The following TMC7 variants were observed in gnomAD, a reference collection of about 807,000 sequenced individuals.
TMC7 encodes the protein transmembrane channel-like protein 7.
TMC7 carries 54 observed loss-of-function variants against 82.9 expected under a neutral mutation model. That is an observed-to-expected ratio of 0.65 (90% CI 0.52 to 0.82). TMC7 has a LOEUF of 0.82. TMC7 is among the 40% of genes least tolerant of loss of function. The pLI is 0.00. For synonymous variants in TMC7, 350 were observed against 337.9 expected, an observed-to-expected ratio of 1.04 and a Z score of -0.39; for missense variants, 820 against 901.2, an observed-to-expected ratio of 0.91 and a Z score of 1.15.
chr16:19,055,940 C>T (rs577554414), intron 13 of TMC7, among the ~76,000 whole-genome samples: 2 of 152,076 alleles, frequency 1.3e-5, no homozygotes, highest in Non-Finnish European at 2.9e-5. Flanking sequence ...ATTAAGAGAC[C>T]GGAGAATAGA....
At chr16:19,048,267 C>A (rs185032899) in intron 12 of TMC7, among the ~76,000 whole-genome samples, 106 of 151,908 alleles carry the variant, frequency 7.0e-4, no homozygotes, top group African/African-American at 2.5e-3. Context: ...TGAGCCACCC[C>A]GCCTGGACCA....
At chr16:18,995,228 G>A (rs1473658578) in intron 1 of TMC7, among the ~76,000 whole-genome samples, 1 of 152,158 alleles carries the variant, frequency 6.6e-6, no homozygotes, top group Non-Finnish European at 1.5e-5. Flanking sequence ...TACCTACAAC[G>A]GTTATGGAGG....
Position 19,016,478 on chromosome 16 carries a change from C to A in TMC7, c.340C>A (p.Leu114Ile). ...RDIQETQMKY[L>I]SEWDQWKRYS... ...CATTCAAGAGACACAAATGAAGTAT[C>A]TCTCCGAATGGGACCAGTGGAAGCG... Residue 114 changes from leucine to isoleucine, a missense_variant, in exon 3 of 16, where the codon CTC becomes ATC. Around this residue, in one of 2 missense-constraint regions of TMC7, gnomAD observed 650 missense variants for 669.9 expected, o/e 0.97. Coordinates refer to ENST00000304381, the MANE Select transcript of TMC7 (RefSeq NM_024847.4). The A allele has an allele frequency of 6.2e-7, 1 of 1,614,146 alleles. No homozygotes were observed. The highest frequency in any genetic ancestry group is 8.5e-7 in the Non-Finnish European group (1 of 1,180,028).
chr16:19,000,323 C>T lies in TMC7; in HGVS notation c.68-8849C>T, dbSNP rs150799825. ...TCTACCAAAAATACAAAAAATTAGC[C>T]GGGCGTGGTGGTACACGCCTGTAAT... On this transcript the variant is annotated intron_variant, in intron 1 of 15. Coordinates refer to ENST00000304381, the MANE Select transcript of TMC7 (RefSeq NM_024847.4). 4.5e-4 allele frequency among the ~76,000 whole-genome samples: 68 copies of T among 151,918 alleles called. No individual in the cohort carries two copies. In the East Asian group the frequency reaches 0.012, roughly 27 times the overall value.
At chr16:19,005,034 A>G (rs931943554) in intron 1 of TMC7, among the ~76,000 whole-genome samples, 1 of 151,478 alleles carries the variant, frequency 6.6e-6, no homozygotes, top group Non-Finnish European at 1.5e-5. Flanking sequence ...ATTAAGTGTG[A>G]CGATGCATGT....
chr16:19,023,722 T>C (rs1181310418), intron 5 of TMC7, among the ~76,000 whole-genome samples: 1 of 152,220 alleles, frequency 6.6e-6, no homozygotes, highest in Non-Finnish European at 1.5e-5. Context: ...ACTGGGGTTA[T>C]AGGCGTGAGC....
At chr16:19,054,329 A>G (rs1266731770) in intron 13 of TMC7, among the ~76,000 whole-genome samples, 3 of 152,254 alleles carry the variant, frequency 2.0e-5, no homozygotes, top group African/African-American at 7.2e-5. Context: ...ACATTTTACT[A>G]TGCAGTCTCC....
chr16:19,059,121 G>T (rs902466663), intron 14 of TMC7, among the ~76,000 whole-genome samples: 1 of 151,970 alleles, frequency 6.6e-6, no homozygotes. Context: ...CAGGTGATCC[G>T]CCTGCCTCGG....
intron 1 of TMC7, chr16:18,984,454 G>C: frequency 8.7e-7 from 1 of 1,155,618 alleles, no homozygotes; most frequent in African/African-American, 1.6e-5. Flanking sequence ...GAAAGGATTT[G>C]AGCACCCCCT....
At chr16:19,034,938 GAA>G (rs1022069414) in intron 6 of TMC7, among the ~76,000 whole-genome samples, 3 of 152,132 alleles carry the variant, frequency 2.0e-5, no homozygotes, top group Non-Finnish European at 4.4e-5. Flanking sequence ...GATTTTAAAA[GAA>G]AATGAATCGT....
At chr16:19,007,697 TAAAG>T (rs1359934440) in intron 1 of TMC7, among the ~76,000 whole-genome samples, 2 of 150,226 alleles carry the variant, frequency 1.3e-5, no homozygotes, top group Non-Finnish European at 3.0e-5. Flanking sequence ...ATAAATAAAA[TAAAG>T]AGAGACAATA....
chr16:19,040,147 A>G, intron 8 of TMC7, 142 bp from the exon 9 acceptor site: 1 of 440,134 alleles, frequency 2.3e-6, no homozygotes. Flanking sequence ...AAGGAACGAG[A>G]TGACTTATGC....
At chr16:19,047,950 C>T (rs1291934704) in intron 12 of TMC7, among the ~76,000 whole-genome samples, 4 of 152,018 alleles carry the variant, frequency 2.6e-5, no homozygotes, top group Non-Finnish European at 4.4e-5. Context: ...CCACCCGCCT[C>T]GGCCTCCCAA....
At position 19,020,853 on chromosome 16, in the gene TMC7, A is replaced by AAAATAAATAAAT. The variant is rs144614183; in HGVS notation, c.461-748_461-737dup. Among the ~76,000 whole-genome samples the AAAATAAATAAAT allele has an allele frequency of 6.5e-3, 933 of 142,552 alleles. 6 individuals carry two copies. The highest frequency in any genetic ancestry group is 0.011 in the South Asian group (50 of 4,456). 93.5% of individuals were successfully genotyped at this position (142,552 alleles called of 152,430 possible). A position where few individuals can be genotyped will look rare whatever the true frequency, so the allele number is the denominator to read the frequency against. Reference sequence around the variant, plus strand: ...GGCAACAGAGTGAGACATGGTGTCAAAAATAAATAAATAAATAAATAAATA... The same window carrying AAAATAAATAAAT: ...GGCAACAGAGTGAGACATGGTGTCAAAAATAAATAAATAAATAAATAAATAAATAAATAAATA... On this transcript the variant is annotated intron_variant, in intron 3 of 15. Transcript: ENST00000304381.
chr16:18,998,660 A>G (rs949856229), intron 1 of TMC7, among the ~76,000 whole-genome samples: 1 of 151,972 alleles, frequency 6.6e-6, no homozygotes, highest in African/African-American at 2.4e-5. Flanking sequence ...AGGCTGAGGC[A>G]GGAGAATGGC....
chr16:19,052,307 T>G (rs1486301971), intron 13 of TMC7, among the ~76,000 whole-genome samples: 1 of 152,140 alleles, frequency 6.6e-6, no homozygotes, highest in Non-Finnish European at 1.5e-5. Context: ...TCCCTCAGCC[T>G]CCTGAGTAAC....
intron 3 of TMC7, among the ~76,000 whole-genome samples, 199 bp from the exon 4 acceptor site, chr16:19,021,430 A>C (rs1959968463): frequency 6.6e-6 from 1 of 152,242 alleles, no homozygotes; most frequent in South Asian, 2.1e-4. Context: ...TTAATTCAAG[A>C]TTGATTGTAG....
chr16:19,021,560 C>A, intron 3 of TMC7, 69 bp from the exon 4 acceptor site: 1 of 1,510,484 alleles, frequency 6.6e-7, no homozygotes, highest in Non-Finnish European at 9.0e-7. Flanking sequence ...GCTTTTGTGG[C>A]TGATTGAATC....
intron 11 of TMC7, among the ~76,000 whole-genome samples, 154 bp from the exon 12 acceptor site, chr16:19,046,909 A>G (rs1267521762): frequency 1.3e-5 from 2 of 151,966 alleles, no homozygotes; most frequent in Non-Finnish European, 1.5e-5. Context: ...ACCTGATCTT[A>G]ATGATTCCAG....
Sources: allele counts gnomAD v4.1 joint callset (sites outside exome capture counted in the v4.1 genomes callset), GRCh38; gene constraint gnomAD v4.1.1; regional missense constraint gnomAD v4.1.1; transcripts MANE v1.5; gene names NCBI Gene and HGNC (gene_info 2026-07-23, HGNC 2026-07-21).